Variants in SHISA9 observed in about 807,000 individuals in gnomAD.
The protein encoded by SHISA9 is protein shisa-9.
SHISA9 carries 13 observed loss-of-function variants against 38.0 expected under a neutral mutation model. That is an observed-to-expected ratio of 0.34 (90% confidence interval 0.22 to 0.54). The LOEUF (loss-of-function observed/expected upper bound fraction) is 0.54, where lower values mean the gene tolerates loss of function less well. SHISA9 is among the 20% of genes least tolerant of loss of function. The pLI is 0.91. For synonymous variants in SHISA9, 275 were observed against 242.0 expected, an observed-to-expected ratio of 1.14 and a Z score of -1.27; for missense variants, 538 against 575.8, an observed-to-expected ratio of 0.93 and a Z score of 0.67.
the SHISA9 span, among the ~76,000 whole-genome samples, chr16:13,434,605 A>C: frequency 9.2e-5 from 14 of 151,746 alleles, no homozygotes; most frequent in African/African-American, 3.4e-4. Context: ...TTTTTAGTAG[A>C]GATGGGGTTT....
chr16:13,464,768 G>T, the SHISA9 span, among the ~76,000 whole-genome samples: 1 of 152,092 alleles, frequency 6.6e-6, no homozygotes, highest in Non-Finnish European at 1.5e-5. Flanking sequence ...AATTCACATA[G>T]TTAGTAGCCC....
rs1274796917 is a variant in SHISA9, at chr16:13,175,161, A to G, written c.692-28233A>G. Among the ~76,000 whole-genome samples, 4 of 152,012 alleles carry G rather than the reference A, an allele frequency of 2.6e-5. No individual in the cohort carries two copies. The East Asian group carries it at 5.8e-4, about 22-fold the overall frequency. ...GCAGGAGGATTGCTTGAGCCCAGGA[A>G]TTAGAGACCAGCTTGGGAAACACAG... is the stretch of plus-strand genomic sequence containing the variant. On this transcript the variant is annotated intron_variant, in intron 2 of 4. Transcript: ENST00000558583.
In SHISA9 at chr16:13,236,031, A is replaced by G. The variant is rs1309846651; in HGVS notation, c.*622A>G. On this transcript the variant is annotated 3_prime_UTR_variant, in exon 5 of 5. Transcript: ENST00000558583. ...TAACTGGACCCCAACCATTCTATTT[A>G]TAGTACTTTTCATATCATCCATGTT... 2 of 152,306 alleles carry G rather than the reference A, an allele frequency of 1.3e-5. No individual in the cohort carries two copies. The highest frequency in any genetic ancestry group is 4.8e-5 in the African/African-American group (2 of 41,446). 9.4% of individuals were successfully genotyped at this position (152,306 alleles called of 1,614,324 possible).
the SHISA9 span, among the ~76,000 whole-genome samples, chr16:13,389,002 C>T: frequency 6.6e-6 from 1 of 152,144 alleles, no homozygotes; most frequent in South Asian, 2.1e-4. Flanking sequence ...CTGTCCTATA[C>T]ACGCATAGCC....
At chr16:13,277,329 A>G in the SHISA9 span, among the ~76,000 whole-genome samples, 37 of 152,140 alleles carry the variant, frequency 2.4e-4, no homozygotes, top group East Asian at 7.0e-3. Flanking sequence ...CTTATGGTGT[A>G]TTTTGAAATC....
intron 4 of SHISA9, among the ~76,000 whole-genome samples, chr16:13,227,248 G>T (rs532506709): frequency 2.4e-4 from 36 of 152,218 alleles, no homozygotes; most frequent in Admixed American, 1.0e-3. Context: ...GAAGACTGCA[G>T]CATGGAGAAT....
Position 13,169,438 on chromosome 16 carries a change from G to C in SHISA9, c.692-33956G>C, listed in dbSNP as rs538717214. Reference sequence around the variant, plus strand: ...TTAACACTGAAAGGCCATTATGTTAGGAAAAAATCCCCCTCTGGGGTATTA... The same window carrying C: ...TTAACACTGAAAGGCCATTATGTTACGAAAAAATCCCCCTCTGGGGTATTA... On this transcript the variant is annotated intron_variant, in intron 2 of 4. Transcript: ENST00000558583. Among the ~76,000 whole-genome samples, 12 of 151,994 alleles carry C rather than the reference G, an allele frequency of 7.9e-5. No homozygotes were observed. In the East Asian group the frequency reaches 2.1e-3, roughly 27 times the overall value.
At chr16:13,100,534 C>T (rs2073868125) in intron 2 of SHISA9, among the ~76,000 whole-genome samples, 1 of 152,196 alleles carries the variant, frequency 6.6e-6, no homozygotes, top group Non-Finnish European at 1.5e-5. Context: ...ATAGCTTGTA[C>T]AGGAATGACA....
chr16:13,235,376 C>A lies in SHISA9; in HGVS notation c.1242C>A (p.Phe414Leu). Residue 414 changes from phenylalanine (F) to leucine (L), a missense_variant, in exon 5 of 5, where the codon TTC becomes TTA. This residue lies in a region of SHISA9 where 326 missense variants were observed against 305.9 expected (regional missense o/e 1.07). Coordinates refer to ENST00000558583, the MANE Select transcript of SHISA9 (RefSeq NM_001145204.3). The stretch of plus-strand genomic sequence containing the variant: ...ACTACCCACCCCCACAGCCATACTT[C>A]ATCACCAACAGCAAAACAGAAGTGA... The part of the protein sequence containing the change: ...PQHYPPPQPY[F>L]ITNSKTEVTV The A allele has an allele frequency of 1.9e-6, 3 of 1,539,762 alleles. No individual in the cohort carries two copies. The highest frequency in any genetic ancestry group is 2.6e-6 in the Non-Finnish European group (3 of 1,146,874).
chr16:13,335,444 G>A, the SHISA9 span, among the ~76,000 whole-genome samples: 1 of 152,152 alleles, frequency 6.6e-6, no homozygotes, highest in African/African-American at 2.4e-5. Context: ...CTTTAAAGGT[G>A]ACTATAGTCC....
At chr16:13,491,817 CCTTTTTTTTTTTTTTTTTTTTTTTTTT>C in the SHISA9 span, among the ~76,000 whole-genome samples, 2 of 46,892 alleles carry the variant, frequency 4.3e-5, no homozygotes, top group Non-Finnish European at 7.9e-5. Context: ...TATTTATTGA[CCTTTTTTTTTTTTTTTTTTTTTTTTTT>C]TTTTTTTTTT....
At chr16:13,556,346 G>A in the SHISA9 span, among the ~76,000 whole-genome samples, 3 of 152,268 alleles carry the variant, frequency 2.0e-5, no homozygotes, top group East Asian at 5.8e-4. Context: ...AACACAGTCT[G>A]ACTCCAGAGT....
At chr16:13,510,745 C>T in the SHISA9 span, among the ~76,000 whole-genome samples, 7 of 151,670 alleles carry the variant, frequency 4.6e-5, no homozygotes, top group Admixed American at 3.3e-4. Context: ...TGATAAATGA[C>T]GCTTTATTCT....
chr16:13,042,022 G>A (rs1486423161), intron 2 of SHISA9, among the ~76,000 whole-genome samples: 1 of 152,186 alleles, frequency 6.6e-6, no homozygotes, highest in Non-Finnish European at 1.5e-5. Flanking sequence ...TTTTGAGGAG[G>A]GATTGTAGCA....
At chr16:13,246,432 C>T in the SHISA9 span, 3 of 152,216 alleles carry the variant, frequency 2.0e-5, no homozygotes, top group East Asian at 1.9e-4. Context: ...ATTTCCTAGT[C>T]TCAGGTATAT....
chr16:13,483,799 A>C, the SHISA9 span, among the ~76,000 whole-genome samples: 3 of 152,200 alleles, frequency 2.0e-5, no homozygotes, highest in African/African-American at 7.2e-5. Flanking sequence ...AGGTTTCTGA[A>C]GGGTGGTCCC....
intron 2 of SHISA9, among the ~76,000 whole-genome samples, chr16:12,968,660 A>G (rs1261271754): frequency 6.6e-6 from 1 of 152,212 alleles, no homozygotes; most frequent in Non-Finnish European, 1.5e-5. Flanking sequence ...ACAAAGGTGT[A>G]CAGACTGTGT....
At chr16:13,491,323 T>C in the SHISA9 span, among the ~76,000 whole-genome samples, 1 of 151,830 alleles carries the variant, frequency 6.6e-6, no homozygotes, top group Non-Finnish European at 1.5e-5. Flanking sequence ...CTGATTACCA[T>C]GTTGTGTAAC....
intron 2 of SHISA9, among the ~76,000 whole-genome samples, chr16:13,095,419 G>C (rs149829863): frequency 2.2e-3 from 334 of 152,312 alleles, no homozygotes; most frequent in African/African-American, 7.4e-3. Flanking sequence ...AGTGAAAAAA[G>C]GCAGATTAGA....
Sources: gnomAD v4.1 joint callset for allele counts (sites outside exome capture counted in the v4.1 genomes callset) on GRCh38, gnomAD v4.1.1 for gene constraint, gnomAD v4.1.1 regional missense constraint, MANE v1.5 for transcripts, NCBI Gene and HGNC (gene_info 2026-07-23, HGNC 2026-07-21) for gene names.